LRP1B: variants seen among roughly 807,000 people sequenced by gnomAD.
LRP1B encodes LDL receptor related protein 1B.
A neutral mutation model predicts 556.6 loss-of-function variants in LRP1B; 217 were observed. The ratio of observed to expected loss-of-function variants is 0.39; its 90% CI spans 0.35 to 0.44. LRP1B has a LOEUF of 0.44. Among genes scored for constraint, LRP1B ranks in the 20% least tolerant of loss-of-function variants. The pLI, the probability that LRP1B is intolerant of heterozygous loss-of-function variation, is 1.00. For synonymous variants in LRP1B, 2,047 were observed against 1,865.8 expected (o/e 1.10, Z -2.50); for missense variants, 5,053 against 5,620.8 (o/e 0.90, Z 3.23).
intron 2 of LRP1B, among the ~76,000 whole-genome samples, chr2:141,502,624 GC>G (rs1683762274): frequency 6.6e-6 from 1 of 152,100 alleles, no homozygotes; most frequent in African/African-American, 2.4e-5. Context: ...ACTTTGGGAG[GC>G]TGAGGTGGGC....
intron 47 of LRP1B, 85 bp from the exon 48 acceptor site, chr2:140,526,435 T>C: frequency 1.1e-6 from 1 of 940,228 alleles, no homozygotes; most frequent in Admixed American, 2.3e-5. Flanking sequence ...AATTATTTTA[T>C]ATAATTTTGT....
chr2:141,330,486 G>T (rs764219923), intron 3 of LRP1B, among the ~76,000 whole-genome samples: 1 of 152,076 alleles, frequency 6.6e-6, no homozygotes, highest in Non-Finnish European at 1.5e-5. Flanking sequence ...GACATATTGC[G>T]TGTTAAAATT....
chr2:141,690,435 ATATAT>A (rs1558806624), intron 2 of LRP1B, among the ~76,000 whole-genome samples: 1 of 135,860 alleles, frequency 7.4e-6, no homozygotes, highest in African/African-American at 2.7e-5. Context: ...ATATATATAT[ATATAT>A]AATTACAAAT....
chr2:142,002,762 G>C (rs1281937714), intron 1 of LRP1B, among the ~76,000 whole-genome samples: 1 of 152,050 alleles, frequency 6.6e-6, no homozygotes, highest in Non-Finnish European at 1.5e-5. Flanking sequence ...GGCCCTTTCA[G>C]AGAACGTAGC....
intron 35 of LRP1B, among the ~76,000 whole-genome samples, chr2:140,724,050 T>C (rs1463266861): frequency 2.6e-5 from 4 of 152,206 alleles, no homozygotes; most frequent in African/African-American, 9.6e-5. Context: ...TCAGGGAAGA[T>C]GAGAATCTGG....
At chr2:141,626,230 A>G (rs753982176) in intron 2 of LRP1B, among the ~76,000 whole-genome samples, 1 of 152,204 alleles carries the variant, frequency 6.6e-6, no homozygotes, top group Admixed American at 6.5e-5. Flanking sequence ...GTTTTTCAAC[A>G]ACTGATGCTG....
chr2:141,273,342 C>T (rs567047653), intron 3 of LRP1B, among the ~76,000 whole-genome samples: 254 of 151,872 alleles, frequency 1.7e-3, no homozygotes, highest in Middle Eastern at 3.4e-3. Flanking sequence ...TACTACAAAT[C>T]TATAATCATC....
intron 4 of LRP1B, among the ~76,000 whole-genome samples, chr2:141,252,636 G>T (rs539234464): frequency 5.4e-4 from 82 of 152,120 alleles, no homozygotes; most frequent in South Asian, 1.5e-3. Context: ...TCAGTTTTTT[G>T]GATATGATTA....
At chr2:140,818,468 G>A (rs1289326451) in intron 31 of LRP1B, among the ~76,000 whole-genome samples, 1 of 152,044 alleles carries the variant, frequency 6.6e-6, no homozygotes, top group Non-Finnish European at 1.5e-5. Context: ...CATTTTTTCA[G>A]GCTTCATCAG....
intron 2 of LRP1B, among the ~76,000 whole-genome samples, chr2:141,640,221 T>C (rs955298077): frequency 6.6e-6 from 1 of 152,164 alleles, no homozygotes; most frequent in African/African-American, 2.4e-5. Context: ...ATCATGATAA[T>C]TACTCGTAAA....
intron 32 of LRP1B, among the ~76,000 whole-genome samples, chr2:140,807,949 G>C (rs151156162): frequency 1.3e-5 from 2 of 151,942 alleles, no homozygotes; most frequent in Admixed American, 1.3e-4. Context: ...AAAATTAACC[G>C]GGTGTAATGG....
intron 11 of LRP1B, among the ~76,000 whole-genome samples, chr2:141,037,977 A>G (rs1558816854): frequency 6.6e-6 from 1 of 151,972 alleles, no homozygotes; most frequent in Non-Finnish European, 1.5e-5. Context: ...CAAAGAGGCT[A>G]AAGTATAATG....
intron 41 of LRP1B, among the ~76,000 whole-genome samples, chr2:140,645,285 T>C (rs1315733329): frequency 6.6e-6 from 1 of 152,104 alleles, no homozygotes; most frequent in Non-Finnish European, 1.5e-5. Flanking sequence ...TAAATGTATA[T>C]TTATTATATA....
Position 141,166,491 on chromosome 2 carries a change from G to T in LRP1B, c.1013+21930C>A, listed in dbSNP as rs1187648424. 2.7e-5 allele frequency among the ~76,000 whole-genome samples: 4 copies of T among 150,562 alleles called. No homozygotes were observed. In the East Asian group the frequency reaches 5.9e-4, roughly 22 times the overall value. The stretch of plus-strand genomic sequence containing the variant: ...ATAACAATCATATCAGAGTAAATGG[G>T]GTATCCATCACTTCAAGCATTTATC... On this transcript the variant is annotated intron_variant, in intron 7 of 90. Transcript: ENST00000389484.
chr2:141,915,980 G>A (rs1033985160), intron 1 of LRP1B, among the ~76,000 whole-genome samples: 1 of 152,180 alleles, frequency 6.6e-6, no homozygotes, highest in Non-Finnish European at 1.5e-5. Flanking sequence ...CATTGTTGGT[G>A]GAAATGCAAA....
At chr2:140,651,265 C>T (rs1684671211) in intron 41 of LRP1B, among the ~76,000 whole-genome samples, 2 of 145,728 alleles carry the variant, frequency 1.4e-5, no homozygotes, top group Non-Finnish European at 3.0e-5. Context: ...AAAAACCAAA[C>T]ACCGCATATT....
chr2:141,431,201 A>T (rs1680551564), intron 3 of LRP1B, among the ~76,000 whole-genome samples: 1 of 142,398 alleles, frequency 7.0e-6, no homozygotes, highest in Admixed American at 7.3e-5. Context: ...TGGTGAGCTA[A>T]TGTAATCATA....
chr2:141,535,530 G>A (rs1217735701), intron 2 of LRP1B, among the ~76,000 whole-genome samples: 1 of 145,268 alleles, frequency 6.9e-6, no homozygotes, highest in Non-Finnish European at 1.5e-5. Flanking sequence ...CGAAATTGAA[G>A]CAATGGTATA....
chr2:141,776,082 A>C (rs1695061096), intron 2 of LRP1B, among the ~76,000 whole-genome samples: 1 of 151,910 alleles, frequency 6.6e-6, no homozygotes, highest in Non-Finnish European at 1.5e-5. Context: ...TCCTGACCTC[A>C]TGATCTGCCT....
Sources: allele counts gnomAD v4.1 joint callset (sites outside exome capture counted in the v4.1 genomes callset), GRCh38; gene constraint gnomAD v4.1.1; transcripts MANE v1.5; gene names NCBI Gene and HGNC (gene_info 2026-07-23, HGNC 2026-07-21).